MFSD6: variants seen among roughly 807,000 people sequenced by gnomAD.
MFSD6 encodes major facilitator superfamily domain-containing protein 6.
In MFSD6, 26 loss-of-function variants were observed where a neutral mutation model predicts 56.3. The observed-to-expected ratio is 0.46, with a 90% CI of 0.34 to 0.64. MFSD6 has a LOEUF of 0.64. Among genes scored for constraint, MFSD6 ranks in the 30% least tolerant of loss-of-function variants. MFSD6 has a pLI of 0.01. For synonymous variants in MFSD6, 331 were observed against 366.9 expected, an observed-to-expected ratio of 0.90 and a Z score of 1.12; for missense variants, 750 against 986.2, an observed-to-expected ratio of 0.76 and a Z score of 3.21.
chr2:190,474,201 G>T (rs1474817946), intron 4 of MFSD6, among the ~76,000 whole-genome samples: 1 of 151,994 alleles, frequency 6.6e-6, no homozygotes, highest in Non-Finnish European at 1.5e-5. Context: ...CAGAAGGCAA[G>T]AAATAACTAA....
chr2:190,436,827 C>G lies in MFSD6; in HGVS notation c.798C>G (p.Thr266=), dbSNP rs748365993. 12 of 1,614,226 alleles carry G rather than the reference C, an allele frequency of 7.4e-6. No homozygotes were observed. Among genetic ancestry groups the G allele is most frequent in the Non-Finnish European group, 8.5e-6 (10 of 1,180,046 alleles). The change falls in exon 3 of 8, where the codon ACC becomes ACG. Residue 266 remains threonine (T), a synonymous_variant. Transcript: ENST00000392328. This position sits in a 1 kb window ranked among gnomAD's most constrained non-coding sequence, Gnocchi z 5.3. The part of the protein sequence containing the change: ...TKETTTVIVT[T]TKSLPSDQVM... ...AGACAACCACTGTTATTGTTACCACCACCAAATCTTTACCTTCTGACCAAG... is the reference window on the plus strand; with the variant it reads ...AGACAACCACTGTTATTGTTACCACGACCAAATCTTTACCTTCTGACCAAG...
At chr2:190,449,279 G>T (rs1038401839) in intron 3 of MFSD6, among the ~76,000 whole-genome samples, 9 of 152,222 alleles carry the variant, frequency 5.9e-5, no homozygotes, top group African/African-American at 2.2e-4. Context: ...TTCAAGACCA[G>T]CCTGGTCAAC....
chr2:190,493,939 G>A (rs1248694134), intron 6 of MFSD6, among the ~76,000 whole-genome samples: 2 of 151,744 alleles, frequency 1.3e-5, no homozygotes, highest in African/African-American at 4.8e-5. Context: ...ACAATCTAAG[G>A]TCACACCTCA....
At position 190,436,357 on chromosome 2, in the gene MFSD6, C is replaced by A. The variant is rs752956733; in HGVS notation, c.328C>A (p.Arg110Ser). Residue 110 changes from arginine (R) to serine (S), a missense_variant, in exon 3 of 8, where the codon CGT becomes AGT. Physicochemically the swap from Arg to Ser is moderately radical, Grantham distance 110 (BLOSUM62 -1). Coordinates refer to ENST00000392328, the MANE Select transcript of MFSD6 (RefSeq NM_017694.4). This position sits in a 1 kb window ranked among gnomAD's most constrained non-coding sequence, Gnocchi z 5.3. The part of the protein sequence containing the change: ...PSQSGLLVGI[R>S]YFIEFCSAPF... ...CCAGAGTGGACTACTAGTAGGTATT[C>A]GTTACTTCATTGAATTCTGCAGTGC... 6.2e-6 allele frequency: 10 copies of A among 1,614,052 alleles called. No homozygotes were observed. Among genetic ancestry groups the A allele is most frequent in the Non-Finnish European group, 8.5e-6 (10 of 1,180,038 alleles).
Position 190,415,449 on chromosome 2 carries a change from T to C in MFSD6, c.-54+36T>C, listed in dbSNP as rs902804825. ...CCATGCCTGACTCATTAAAAAAAAA[T>C]TGTAGACATGGGATCTTGCTTTGTT... On this transcript the variant is annotated intron_variant, in intron 2 of 7. Coordinates refer to ENST00000392328, the MANE Select transcript of MFSD6 (RefSeq NM_017694.4). The surrounding 1 kb of genome is among the most constrained non-coding windows in gnomAD (Gnocchi z 4.5). 6.6e-6 allele frequency: 1 copy of C among 151,962 alleles called. No homozygotes were observed. The highest frequency in any genetic ancestry group is 2.4e-5 in the African/African-American group (1 of 41,366). The allele number at this position is 151,962 out of a possible 1,614,324, so 9.4% of individuals were successfully genotyped here. A position where few individuals can be genotyped will look rare whatever the true frequency, so the allele number is the denominator to read the frequency against.
chr2:190,419,258 A>G (rs954418667), intron 2 of MFSD6, among the ~76,000 whole-genome samples: 1 of 152,214 alleles, frequency 6.6e-6, no homozygotes, highest in African/African-American at 2.4e-5. Flanking sequence ...GTGAATACCT[A>G]GATTCTAACG....
rs1022733183 is a variant in MFSD6, at chr2:190,467,482, A to T, written c.1533-2276A>T. ...ACAAAAATTAGCCAGGCATGGTGGCACATTCCTGTAATCCCAGCTAGTCAG... is the reference window on the plus strand; with the variant it reads ...ACAAAAATTAGCCAGGCATGGTGGCTCATTCCTGTAATCCCAGCTAGTCAG... On this transcript the variant is annotated intron_variant, in intron 3 of 7. Transcript: ENST00000392328. The surrounding 1 kb of genome is among the most constrained non-coding windows in gnomAD (Gnocchi z 5.5). Among the ~76,000 whole-genome samples the T allele has an allele frequency of 6.6e-6, 1 of 152,204 alleles. No homozygotes were observed. The highest frequency in any genetic ancestry group is 2.4e-5 in the African/African-American group (1 of 41,460).
Position 190,418,298 on chromosome 2 carries a change from T to C in MFSD6, c.-54+2885T>C, listed in dbSNP as rs1407120626. On this transcript the variant is annotated intron_variant, in intron 2 of 7. Coordinates refer to ENST00000392328, the MANE Select transcript of MFSD6 (RefSeq NM_017694.4). The surrounding 1 kb of genome is among the most constrained non-coding windows in gnomAD (Gnocchi z 4.1). ...ATGCTAGGTTCATAGCAAGTGTTAC[T>C]TAAGTGTTATTGTATTGTAGTTGGT... is the stretch of plus-strand genomic sequence containing the variant. Among the ~76,000 whole-genome samples the C allele has an allele frequency of 6.6e-6, 1 of 152,200 alleles. No individual in the cohort carries two copies. The highest frequency in any genetic ancestry group is 2.1e-4 in the South Asian group (1 of 4,830).
In MFSD6 at chr2:190,499,421, T is replaced by A. The variant is rs1056831422; in HGVS notation, c.2173-594T>A. ...ATTGCTGCTGGTGATGTTCTACTCA[T>A]GGTTATTTACAGTTGGTTACACAAG... On this transcript the variant is annotated intron_variant, in intron 7 of 7. Coordinates refer to ENST00000392328, the MANE Select transcript of MFSD6 (RefSeq NM_017694.4). This position sits in a 1 kb window ranked among gnomAD's most constrained non-coding sequence, Gnocchi z 6.0. Among the ~76,000 whole-genome samples the A allele has an allele frequency of 6.6e-6, 1 of 152,218 alleles. No individual in the cohort carries two copies. The highest frequency in any genetic ancestry group is 2.4e-5 in the African/African-American group (1 of 41,464).
At position 190,463,825 on chromosome 2, in the gene MFSD6, T is replaced by C; in HGVS notation, c.1533-5933T>C. 1.1e-6 allele frequency: 1 copy of C among 918,752 alleles called. No individual in the cohort carries two copies. The highest frequency in any genetic ancestry group is 1.3e-6 in the Non-Finnish European group (1 of 769,492). The allele number at this position is 918,752 out of a possible 1,614,324, so 56.9% of individuals were successfully genotyped here. ...ACAGAGCAAGACCCTGTCTCAAAAA[T>C]AAATAAATAAATAAAATAAAAATAA... On this transcript the variant is annotated intron_variant, in intron 3 of 7. Transcript: ENST00000392328. This position sits in a 1 kb window ranked among gnomAD's most constrained non-coding sequence, Gnocchi z 4.4.
At chr2:190,446,534 A>T (rs1228896405) in intron 3 of MFSD6, among the ~76,000 whole-genome samples, 1 of 152,210 alleles carries the variant, frequency 6.6e-6, no homozygotes, top group Non-Finnish European at 1.5e-5. Flanking sequence ...ACTCACTGGG[A>T]TCTGAGTTGG....
intron 3 of MFSD6, among the ~76,000 whole-genome samples, chr2:190,450,488 CTTTTTTTTT>C (rs10665730): frequency 5.1e-5 from 5 of 97,254 alleles, no homozygotes; most frequent in African/African-American, 7.9e-5. Context: ...TCTCTTTTTC[CTTTTTTTTT>C]TTTTTTTTTT....
At chr2:190,455,223 TTAAG>T (rs1287158000) in intron 3 of MFSD6, among the ~76,000 whole-genome samples, 2 of 152,100 alleles carry the variant, frequency 1.3e-5, no homozygotes, top group Non-Finnish European at 2.9e-5. Context: ...TTGCTATTTA[TTAAG>T]TTACTATTAA....
Position 190,459,171 on chromosome 2 carries a change from T to C in MFSD6, c.1533-10587T>C, listed in dbSNP as rs571805419. ...ATATTGTGGCTCCTTTCTCTTTTGT[T>C]TTCGTCAGTGATCTCTTAAGATGTG... is the stretch of plus-strand genomic sequence containing the variant. On this transcript the variant is annotated intron_variant, in intron 3 of 7. Transcript: ENST00000392328. This position sits in a 1 kb window ranked among gnomAD's most constrained non-coding sequence, Gnocchi z 5.3. 6.6e-6 allele frequency among the ~76,000 whole-genome samples: 1 copy of C among 152,354 alleles called. No individual in the cohort carries two copies. The highest frequency in any genetic ancestry group is 2.4e-5 in the African/African-American group (1 of 41,592).
intron 4 of MFSD6, among the ~76,000 whole-genome samples, chr2:190,480,571 C>A (rs1351317549): frequency 6.6e-6 from 1 of 152,206 alleles, no homozygotes; most frequent in South Asian, 2.1e-4. Context: ...TTAATTAGTA[C>A]TTATACCCTC....
chr2:190,486,431 T>C (rs1689012164), intron 4 of MFSD6, among the ~76,000 whole-genome samples: 1 of 152,250 alleles, frequency 6.6e-6, no homozygotes, highest in East Asian at 1.9e-4. Flanking sequence ...CATTCTGCCC[T>C]GGAACTCTAG....
intron 2 of MFSD6, among the ~76,000 whole-genome samples, chr2:190,432,925 T>G (rs1686057853): frequency 6.6e-6 from 1 of 151,286 alleles, no homozygotes; most frequent in Non-Finnish European, 1.5e-5. Context: ...AGCTAACTCA[T>G]GAGCCTTTCA....
In MFSD6 at chr2:190,434,240, G is replaced by A. The variant is rs557975738; in HGVS notation, c.-53-1737G>A. Among the ~76,000 whole-genome samples, 120 of 151,516 alleles carry A rather than the reference G, an allele frequency of 7.9e-4. 2 individuals are homozygous for A. Among genetic ancestry groups the A allele is most frequent in the Middle Eastern group, 6.8e-3 (2 of 292 alleles). ...TGAAAGGAATTAACACATATTTAAT[G>A]TATATACTTCCTACCATCAGAATCT... On this transcript the variant is annotated intron_variant, in intron 2 of 7. Transcript: ENST00000392328. The surrounding 1 kb of genome is among the most constrained non-coding windows in gnomAD (Gnocchi z 4.3).
intron 3 of MFSD6, among the ~76,000 whole-genome samples, chr2:190,468,022 G>A (rs1687697158): frequency 6.6e-6 from 1 of 152,188 alleles, no homozygotes; most frequent in Admixed American, 6.5e-5. Flanking sequence ...CCACAGGGCT[G>A]GCTTAGAATT....
Sources: allele counts gnomAD v4.1 joint callset (sites outside exome capture counted in the v4.1 genomes callset), GRCh38; gene constraint gnomAD v4.1.1; non-coding constraint Gnocchi (gnomAD v3.1); transcripts MANE v1.5; gene names NCBI Gene and HGNC (gene_info 2026-07-23, HGNC 2026-07-21).